PPP3CA: variants seen among roughly 807,000 people sequenced by gnomAD.
The protein encoded by PPP3CA is CAM-PRP catalytic subunit.
In PPP3CA, 14 loss-of-function variants were observed where a neutral mutation model predicts 66.5. The ratio of observed to expected loss-of-function variants is 0.21; its 90% CI spans 0.14 to 0.33. The LOEUF is 0.33. Ranked by LOEUF, PPP3CA falls within the 10% of genes least tolerant of loss-of-function variation. The pLI is 1.00. For missense variants in PPP3CA, 317 were observed against 639.5 expected (o/e 0.50, Z 5.44); for synonymous variants, 232 against 226.2 (o/e 1.03, Z -0.23).
At chr4:101,281,319 G>A (rs957246042) in intron 1 of PPP3CA, among the ~76,000 whole-genome samples, 2 of 152,196 alleles carry the variant, frequency 1.3e-5, no homozygotes, top group African/African-American at 4.8e-5. Flanking sequence ...ATGGGCTCAG[G>A]AGAAGCTTTA....
intron 2 of PPP3CA, among the ~76,000 whole-genome samples, chr4:101,145,759 A>C (rs1358679385): frequency 6.6e-6 from 1 of 152,196 alleles, no homozygotes; most frequent in African/African-American, 2.4e-5. Flanking sequence ...AATTTAACTA[A>C]AATGTAAGAA....
intron 2 of PPP3CA, among the ~76,000 whole-genome samples, chr4:101,143,920 T>C (rs1420163749): frequency 6.6e-6 from 1 of 152,192 alleles, no homozygotes; most frequent in East Asian, 1.9e-4. Context: ...TGTGCCTACA[T>C]ACACATCCTG....
chr4:101,231,542 A>G (rs1725963055), intron 1 of PPP3CA, among the ~76,000 whole-genome samples: 2 of 151,730 alleles, frequency 1.3e-5, no homozygotes, highest in African/African-American at 2.4e-5. Flanking sequence ...TGTGGTGGGC[A>G]TTTTCCAATT....
chr4:101,087,414 C>T (rs541271075), intron 6 of PPP3CA, among the ~76,000 whole-genome samples: 2 of 152,290 alleles, frequency 1.3e-5, no homozygotes, highest in African/African-American at 4.8e-5. Context: ...TTGGAACCTG[C>T]ACTCTGATCA....
At chr4:101,263,840 C>G (rs906429933) in intron 1 of PPP3CA, among the ~76,000 whole-genome samples, 3 of 152,124 alleles carry the variant, frequency 2.0e-5, no homozygotes, top group Non-Finnish European at 2.9e-5. Flanking sequence ...AGGTACCATT[C>G]AAGGGTTTTA....
chr4:101,343,974 C>T (rs1263721212), intron 1 of PPP3CA, among the ~76,000 whole-genome samples: 1 of 151,988 alleles, frequency 6.6e-6, no homozygotes, highest in Non-Finnish European at 1.5e-5. Context: ...CATGGCATGC[C>T]ATGGTAATAA....
At chr4:101,113,096 G>C (rs931562723) in intron 2 of PPP3CA, among the ~76,000 whole-genome samples, 26 of 152,130 alleles carry the variant, frequency 1.7e-4, no homozygotes, top group Admixed American at 1.2e-3. Context: ...CTGAGATTGT[G>C]CTTATTTTAA....
chr4:101,150,090 G>C (rs1723090417), intron 2 of PPP3CA, among the ~76,000 whole-genome samples: 1 of 152,026 alleles, frequency 6.6e-6, no homozygotes. Flanking sequence ...ATTTTGAGTA[G>C]AATGATAATA....
intron 2 of PPP3CA, among the ~76,000 whole-genome samples, chr4:101,130,552 C>G (rs1722395731): frequency 6.6e-6 from 1 of 152,194 alleles, no homozygotes; most frequent in Admixed American, 6.5e-5. Context: ...CAGGGGATCT[C>G]TCTGCAGAAA....
chr4:101,032,413 A>AAAAG (rs751118423), intron 11 of PPP3CA, 49 bp from the exon 12 acceptor site: 14 of 1,487,960 alleles, frequency 9.4e-6, no homozygotes, highest in Admixed American at 1.9e-5. Flanking sequence ...TCTTTTGTGA[A>AAAAG]AAAGAAAGAA....
In PPP3CA at chr4:101,282,967, T is replaced by C. The variant is rs143376588; in HGVS notation, c.58+63772A>G. Reference sequence around the variant, plus strand: ...CTTATCTGGGTCAAGTATTATTTGGTTCATATGTATTAAATAATAAGAGTT... The same window carrying C: ...CTTATCTGGGTCAAGTATTATTTGGCTCATATGTATTAAATAATAAGAGTT... On this transcript the variant is annotated intron_variant, in intron 1 of 13. Transcript: ENST00000394854. Among the ~76,000 whole-genome samples the C allele has an allele frequency of 4.3e-3, 659 of 152,374 alleles. 10 individuals are homozygous for C. Among genetic ancestry groups the C allele is most frequent in the African/African-American group, 0.015 (639 of 41,588 alleles).
intron 12 of PPP3CA, 151 bp from the exon 13 acceptor site, chr4:101,029,346 C>CT (rs1209974242): frequency 1.7e-4 from 9 of 53,692 alleles, no homozygotes; most frequent in African/African-American, 3.8e-4. Flanking sequence ...AACAGAAATG[C>CT]TAAAAAAAAA....
chr4:101,078,120 T>C (rs570962847), intron 8 of PPP3CA, among the ~76,000 whole-genome samples: 50 of 152,246 alleles, frequency 3.3e-4, no homozygotes, highest in African/African-American at 1.2e-3. Context: ...TTTCCTTCCC[T>C]CAGTTTAATA....
At chr4:101,131,352 T>A (rs1219754675) in intron 2 of PPP3CA, among the ~76,000 whole-genome samples, 3 of 149,740 alleles carry the variant, frequency 2.0e-5, no homozygotes, top group African/African-American at 7.4e-5. Flanking sequence ...AGGAGACCCA[T>A]CTCATGTGCA....
chr4:101,333,790 A>G (rs537195252), intron 1 of PPP3CA, among the ~76,000 whole-genome samples: 12 of 152,368 alleles, frequency 7.9e-5, no homozygotes, highest in Admixed American at 2.6e-4. Context: ...AGCACAGTCT[A>G]TGAAGGCAGC....
chr4:101,072,749 A>C (rs1215202838), intron 8 of PPP3CA, among the ~76,000 whole-genome samples: 2 of 151,932 alleles, frequency 1.3e-5, no homozygotes, highest in Non-Finnish European at 2.9e-5. Flanking sequence ...AATATGGCTA[A>C]CATAGTGAAA....
At chr4:101,055,636 A>G (rs1296256401) in intron 10 of PPP3CA, among the ~76,000 whole-genome samples, 2 of 152,134 alleles carry the variant, frequency 1.3e-5, no homozygotes, top group African/African-American at 2.4e-5. Context: ...GCTAACGAAG[A>G]GAGAATCATG....
intron 2 of PPP3CA, among the ~76,000 whole-genome samples, chr4:101,147,621 T>C (rs936591638): frequency 6.6e-6 from 1 of 152,158 alleles, no homozygotes; most frequent in Non-Finnish European, 1.5e-5. Flanking sequence ...CCAAGAGCTA[T>C]TCTTTTAAAA....
At chr4:101,229,437 A>G (rs1173654860) in intron 1 of PPP3CA, among the ~76,000 whole-genome samples, 3 of 151,718 alleles carry the variant, frequency 2.0e-5, no homozygotes, top group Admixed American at 2.0e-4. Context: ...TTAATTACCA[A>G]GTATATAAGA....
Sources: gnomAD v4.1 joint callset for allele counts (sites outside exome capture counted in the v4.1 genomes callset) on GRCh38, gnomAD v4.1.1 for gene constraint, MANE v1.5 for transcripts, NCBI Gene and HGNC (gene_info 2026-07-23, HGNC 2026-07-21) for gene names.